The following EHD4 variants were observed in gnomAD, a reference collection of about 807,000 sequenced individuals.
EHD4 encodes the protein EH domain-containing protein 4.
A neutral mutation model predicts 51.0 loss-of-function variants in EHD4; 37 were observed. The observed-to-expected ratio is 0.73, with a 90% CI of 0.56 to 0.95. The LOEUF is 0.95. EHD4 is among the 40% of genes least tolerant of loss of function. EHD4 has a pLI of 0.00. For synonymous variants in EHD4, 297 were observed against 317.3 expected, an observed-to-expected ratio of 0.94 and a Z score of 0.68; for missense variants, 632 against 733.1, an observed-to-expected ratio of 0.86 and a Z score of 1.59.
intron 5 of EHD4, among the ~76,000 whole-genome samples, chr15:41,906,700 G>A (rs1035076785): frequency 6.6e-6 from 1 of 152,230 alleles, no homozygotes; most frequent in Non-Finnish European, 1.5e-5. Context: ...TTAGCACACT[G>A]TAGCACCCCC....
intron 2 of EHD4, among the ~76,000 whole-genome samples, chr15:41,953,017 A>AAAAAC (rs2067863610): frequency 6.6e-6 from 1 of 151,534 alleles, no homozygotes; most frequent in Non-Finnish European, 1.5e-5. Context: ...AAAAAAAAAA[A>AAAAAC]AAAACGACCA....
chr15:41,972,225 G>T (rs763701164), intron 1 of EHD4, 34 bp downstream of exon 1: 3 of 1,493,222 alleles, frequency 2.0e-6, no homozygotes, highest in Non-Finnish European at 2.7e-6. Flanking sequence ...AGGGCGGAGC[G>T]GGGCGGGAGC....
At chr15:41,913,686 A>C (rs2067564357) in intron 4 of EHD4, among the ~76,000 whole-genome samples, 1 of 152,238 alleles carries the variant, frequency 6.6e-6, no homozygotes, top group Non-Finnish European at 1.5e-5. Context: ...TACAGTAATG[A>C]GAGAGAGGGC....
At chr15:41,941,565 T>A (rs1057249497) in intron 3 of EHD4, 1 of 148,820 alleles carries the variant, frequency 6.7e-6, no homozygotes, top group Non-Finnish European at 1.5e-5. Context: ...ATGAATAGCA[T>A]TAACCTGTTT....
At chr15:41,907,135 G>A (rs867970816) in intron 5 of EHD4, among the ~76,000 whole-genome samples, 2 of 152,310 alleles carry the variant, frequency 1.3e-5, no homozygotes, top group South Asian at 4.1e-4. Flanking sequence ...GGCAAGGGAG[G>A]CCTCTGTGGA....
intron 2 of EHD4, among the ~76,000 whole-genome samples, chr15:41,952,998 C>CAAA (rs33930801): frequency 0.024 from 1,624 of 69,054 alleles, 41 homozygotes; most frequent in South Asian, 0.048. Context: ...TTCCCCCCCG[C>CAAA]AAAAAAAAAA....
rs543551404 is a variant in EHD4, at chr15:41,961,464, T to G, written c.237-7524A>C. Among the ~76,000 whole-genome samples, 19 of 152,362 alleles carry G rather than the reference T, an allele frequency of 1.2e-4. No homozygotes were observed. The East Asian group carries it at 3.7e-3, about 29-fold the overall frequency. ...ACTTTAGGTTGTAAACTCTTTGATCTGGGAGTACTGTAAATCGTCATGAGG... is the reference window on the plus strand; with the variant it reads ...ACTTTAGGTTGTAAACTCTTTGATCGGGGAGTACTGTAAATCGTCATGAGG... On this transcript the variant is annotated intron_variant, in intron 1 of 5. Coordinates refer to ENST00000220325, the MANE Select transcript of EHD4 (RefSeq NM_139265.4).
Position 41,954,070 on chromosome 15 carries a change from A to G in EHD4, c.237-130T>C, listed in dbSNP as rs1354019914. 9 of 986,120 alleles carry G rather than the reference A, an allele frequency of 9.1e-6. No individual in the cohort carries two copies. The South Asian group carries it at 1.3e-4, about 15-fold the overall frequency. 61.1% of individuals were successfully genotyped at this position (986,120 alleles called of 1,614,324 possible). ...TAGAAACATAACCCCCAAGAAAAGCACGCAATCCTCCTCTGCATTTCTGTT... is the reference window on the plus strand; with the variant it reads ...TAGAAACATAACCCCCAAGAAAAGCGCGCAATCCTCCTCTGCATTTCTGTT... On this transcript the variant is annotated intron_variant, in intron 1 of 5. Coordinates refer to ENST00000220325, the MANE Select transcript of EHD4 (RefSeq NM_139265.4).
chr15:41,901,205 T>C, intron 5 of EHD4, 24 bp from the exon 6 acceptor site: 1 of 1,522,774 alleles, frequency 6.6e-7, no homozygotes, highest in Non-Finnish European at 8.8e-7. Flanking sequence ...AACCACAGGA[T>C]GGGTTACATG....
At chr15:41,939,874 G>T (rs1416766675) in intron 3 of EHD4, among the ~76,000 whole-genome samples, 1 of 152,006 alleles carries the variant, frequency 6.6e-6, no homozygotes, top group Non-Finnish European at 1.5e-5. Context: ...TTTCCATACG[G>T]AGTAGTATAC....
At chr15:41,918,868 T>C (rs1256923461) in intron 4 of EHD4, among the ~76,000 whole-genome samples, 2 of 152,222 alleles carry the variant, frequency 1.3e-5, no homozygotes, top group Non-Finnish European at 2.9e-5. Flanking sequence ...TCCTAACAGC[T>C]ACCATGTAGT....
chr15:41,947,272 G>A (rs2067821387), intron 2 of EHD4, among the ~76,000 whole-genome samples: 1 of 152,200 alleles, frequency 6.6e-6, no homozygotes, highest in African/African-American at 2.4e-5. Flanking sequence ...CCCCTAAGAG[G>A]CTTCCTTGTG....
rs79467542 is a variant in EHD4, at chr15:41,898,533, G to A, written c.*2112C>T. ...AGTTCACCCTTTGGTGACCTCCACC[G>A]TGGCTGCAGACTTCAGGTGGTCCTC... On this transcript the variant is annotated 3_prime_UTR_variant, in exon 6 of 6. Transcript: ENST00000220325. 0.049 allele frequency: 7,457 copies of A among 152,252 alleles called. 280 individuals carry two copies. The highest frequency in any genetic ancestry group is 0.064 in the Non-Finnish European group (4,326 of 68,026). The allele number at this position is 152,252 out of a possible 1,614,324, so 9.4% of individuals were successfully genotyped here.
At chr15:41,954,024 T>C in intron 1 of EHD4, 84 bp from the exon 2 acceptor site, 1 of 1,436,458 alleles carries the variant, frequency 7.0e-7, no homozygotes. Flanking sequence ...ACCAATTTTT[T>C]TACATAATCA....
chr15:41,928,439 G>A (rs1352220828), intron 3 of EHD4: 3 of 152,122 alleles, frequency 2.0e-5, no homozygotes, highest in Non-Finnish European at 4.4e-5. Context: ...CCAGGGACTC[G>A]GATCCTAGAG....
At position 41,935,370 on chromosome 15, in the gene EHD4, A is replaced by T. The variant is rs530523791; in HGVS notation, c.511+7697T>A. Among the ~76,000 whole-genome samples the T allele has an allele frequency of 3.9e-5, 6 of 152,316 alleles. No individual in the cohort carries two copies. In the South Asian group the frequency reaches 1.2e-3, roughly 32 times the overall value. ...CTAAGGCACCTGGCACCTGACACAT[A>T]GTAGGTGCTTAAGAAATTGACCAGG... On this transcript the variant is annotated intron_variant, in intron 3 of 5. Transcript: ENST00000220325.
At chr15:41,917,096 C>CTTTAT (rs368060291) in intron 4 of EHD4, among the ~76,000 whole-genome samples, 22 of 141,880 alleles carry the variant, frequency 1.6e-4, no homozygotes, top group Admixed American at 6.3e-4. Context: ...CTTTCTGCTC[C>CTTTAT]TTATTTATTT....
chr15:41,958,917 G>A (rs1203038573), intron 1 of EHD4, among the ~76,000 whole-genome samples: 1 of 152,150 alleles, frequency 6.6e-6, no homozygotes, highest in African/African-American at 2.4e-5. Flanking sequence ...AGTCTTATGA[G>A]GACACCACCC....
At chr15:41,909,462 C>T (rs1011022985) in intron 5 of EHD4, among the ~76,000 whole-genome samples, 1 of 152,252 alleles carries the variant, frequency 6.6e-6, no homozygotes, top group Non-Finnish European at 1.5e-5. Context: ...GGCTGCTCAC[C>T]TGACTTTCTC....
Sources: allele counts gnomAD v4.1 joint callset (sites outside exome capture counted in the v4.1 genomes callset), GRCh38; gene constraint gnomAD v4.1.1; transcripts MANE v1.5; gene names NCBI Gene and HGNC (gene_info 2026-07-23, HGNC 2026-07-21).